CAMK4: variants seen among roughly 807,000 people sequenced by gnomAD.
CAMK4 encodes the protein calcium/calmodulin-dependent protein kinase type IV.
CAMK4 carries 22 observed loss-of-function variants against 44.9 expected under a neutral mutation model. That is an observed-to-expected ratio of 0.49 (90% CI 0.35 to 0.70). The LOEUF (loss-of-function observed/expected upper bound fraction) is 0.70, where lower values mean the gene tolerates loss of function less well. CAMK4 is among the 30% of genes least tolerant of loss of function. CAMK4 has a pLI of 0.01. For synonymous variants in CAMK4, 218 were observed against 215.4 expected, an observed-to-expected ratio of 1.01 and a Z score of -0.11; for missense variants, 498 against 586.8, an observed-to-expected ratio of 0.85 and a Z score of 1.56.
At position 111,449,362 on chromosome 5, in the gene CAMK4, C is replaced by A. The variant is rs551067311; in HGVS notation, c.625+159C>A. ...AGGCATACATAAATAATACTCAGAT[C>A]ACTTCTTGTTTTCTATGAGAGGTTC... is the stretch of plus-strand genomic sequence containing the variant. On this transcript the variant is annotated intron_variant, in intron 7 of 10. Coordinates refer to ENST00000282356, the MANE Select transcript of CAMK4 (RefSeq NM_001744.6). Among the ~76,000 whole-genome samples the A allele has an allele frequency of 2.0e-5, 3 of 152,294 alleles. No homozygotes were observed. In the Middle Eastern group the frequency reaches 0.01, roughly 518 times the overall value.
At chr5:111,315,000 A>T (rs1001676661) in intron 1 of CAMK4, among the ~76,000 whole-genome samples, 1 of 152,106 alleles carries the variant, frequency 6.6e-6, no homozygotes, top group African/African-American at 2.4e-5. Flanking sequence ...GATTAAATAG[A>T]TACCATGTTA....
intron 5 of CAMK4, among the ~76,000 whole-genome samples, chr5:111,431,351 AAAATT>A (rs1208924155): frequency 6.6e-6 from 1 of 152,186 alleles, no homozygotes; most frequent in African/African-American, 2.4e-5. Context: ...GCTGTATACA[AAAATT>A]AAATCAAAAA....
chr5:111,315,015 T>A (rs1748360954), intron 1 of CAMK4, among the ~76,000 whole-genome samples: 1 of 152,096 alleles, frequency 6.6e-6, no homozygotes, highest in South Asian at 2.1e-4. Flanking sequence ...ATGTTATGGT[T>A]CTACATGGCT....
chr5:111,423,714 T>G (rs910731337), intron 5 of CAMK4, among the ~76,000 whole-genome samples: 5 of 152,212 alleles, frequency 3.3e-5, no homozygotes, highest in Non-Finnish European at 7.3e-5. Flanking sequence ...TTCAGTTCTT[T>G]GTATAAAATG....
intron 1 of CAMK4, among the ~76,000 whole-genome samples, chr5:111,274,430 T>C (rs1177610974): frequency 2.0e-5 from 3 of 152,178 alleles, no homozygotes; most frequent in Admixed American, 6.5e-5. Flanking sequence ...TGGCACATAA[T>C]TGGTGTTCAA....
intron 1 of CAMK4, among the ~76,000 whole-genome samples, chr5:111,236,295 C>A (rs1249664693): frequency 6.6e-6 from 1 of 152,230 alleles, no homozygotes; most frequent in Non-Finnish European, 1.5e-5. Context: ...ACTTCCAGGC[C>A]AGCCTCCTTC....
intron 2 of CAMK4, among the ~76,000 whole-genome samples, chr5:111,372,401 C>T (rs191363481): frequency 2.6e-5 from 4 of 152,022 alleles, no homozygotes; most frequent in Non-Finnish European, 5.9e-5. Context: ...TCAAGCAAGG[C>T]TAATGATAAT....
intron 1 of CAMK4, among the ~76,000 whole-genome samples, chr5:111,255,246 C>T (rs1411292731): frequency 6.6e-6 from 1 of 152,162 alleles, no homozygotes; most frequent in East Asian, 1.9e-4. Context: ...TAACTTTGGT[C>T]TGCCCATCCT....
chr5:111,461,240 T>C (rs1438127704), intron 7 of CAMK4, among the ~76,000 whole-genome samples: 1 of 152,214 alleles, frequency 6.6e-6, no homozygotes, highest in African/African-American at 2.4e-5. Flanking sequence ...CTTCTCAACC[T>C]TTCAGAGCAT....
chr5:111,452,887 AG>A (rs1353587642), intron 7 of CAMK4, among the ~76,000 whole-genome samples: 7 of 152,220 alleles, frequency 4.6e-5, no homozygotes, highest in Admixed American at 4.6e-4. Context: ...GCAGCAAGGA[AG>A]CTTGGCATGG....
chr5:111,456,491 AAAAAATAAAAAT>A (rs3066728), intron 7 of CAMK4, among the ~76,000 whole-genome samples: 14 of 149,926 alleles, frequency 9.3e-5, no homozygotes, highest in African/African-American at 3.4e-4. Flanking sequence ...ACTCCATCTC[AAAAAATAAAAAT>A]AAAAATAAAA....
intron 1 of CAMK4, among the ~76,000 whole-genome samples, chr5:111,334,504 G>C (rs1387099023): frequency 6.6e-6 from 1 of 151,354 alleles, no homozygotes; most frequent in Non-Finnish European, 1.5e-5. Context: ...TTAGGTTCCT[G>C]CTCTTTAATA....
intron 1 of CAMK4, among the ~76,000 whole-genome samples, chr5:111,301,661 C>G (rs961413959): frequency 1.3e-5 from 2 of 152,172 alleles, no homozygotes; most frequent in African/African-American, 4.8e-5. Context: ...TCTATTTTCC[C>G]AATTCAGAGA....
chr5:111,431,329 C>T (rs1225707541), intron 5 of CAMK4, among the ~76,000 whole-genome samples: 1 of 152,098 alleles, frequency 6.6e-6, no homozygotes, highest in African/African-American at 2.4e-5. Context: ...TGAAACTAGA[C>T]CCCTATGTCT....
chr5:111,441,721 A>G (rs939765093), intron 5 of CAMK4, among the ~76,000 whole-genome samples: 4 of 152,158 alleles, frequency 2.6e-5, no homozygotes, highest in Non-Finnish European at 5.9e-5. Flanking sequence ...CCCAGTTACC[A>G]TGTTTTTATT....
chr5:111,345,634 A>G (rs1389532665), intron 2 of CAMK4, among the ~76,000 whole-genome samples: 1 of 151,994 alleles, frequency 6.6e-6, no homozygotes, highest in Admixed American at 6.6e-5. Context: ...GGGAAGAGAC[A>G]TATGAAAGTC....
At chr5:111,364,448 C>A (rs1456018676) in intron 2 of CAMK4, among the ~76,000 whole-genome samples, 2 of 152,098 alleles carry the variant, frequency 1.3e-5, no homozygotes, top group East Asian at 3.9e-4. Flanking sequence ...AAGCCTATTT[C>A]ATTCATTGCA....
At chr5:111,483,276 C>T (rs1179792060) in intron 10 of CAMK4, among the ~76,000 whole-genome samples, 3 of 152,002 alleles carry the variant, frequency 2.0e-5, no homozygotes, top group Non-Finnish European at 4.4e-5. Context: ...AAGTTGTTTT[C>T]TTTCAGAATA....
chr5:111,401,864 G>T (rs1271637725), intron 5 of CAMK4, among the ~76,000 whole-genome samples: 1 of 152,138 alleles, frequency 6.6e-6, no homozygotes, highest in Non-Finnish European at 1.5e-5. Flanking sequence ...TTGTGAAGAG[G>T]GCTCCCTGTT....
Sources: allele counts gnomAD v4.1 joint callset (sites outside exome capture counted in the v4.1 genomes callset), GRCh38; gene constraint gnomAD v4.1.1; transcripts MANE v1.5; gene names NCBI Gene and HGNC (gene_info 2026-07-23, HGNC 2026-07-21).